The following DTWD2 variants were observed in gnomAD, a reference collection of about 807,000 sequenced individuals.
DTWD2 encodes DTW motif tRNA-uridine aminocarboxypropyltransferase 2.
Under a neutral mutation model 31.8 loss-of-function variants are expected in DTWD2, and 39 were observed. The ratio of observed to expected loss-of-function variants is 1.22; its 90% CI spans 0.95 to 1.60. The LOEUF is 1.60. Ranked by LOEUF, DTWD2 falls within the 40% of genes most tolerant of loss-of-function variation. DTWD2 has a pLI of 0.00. For missense variants in DTWD2, 515 were observed against 381.5 expected (o/e 1.35, Z -2.92); for synonymous variants, 180 against 142.8 (o/e 1.26, Z -1.86).
rs542492948 is a variant in DTWD2, at chr5:118,839,212, A to G, written c.*1705T>C. On this transcript the variant is annotated 3_prime_UTR_variant, in exon 6 of 6. Transcript: ENST00000510708. ...GACTAAAAGAAACTCATGAAGTTTAATATCAATGTGAAAAATTACTACAAA... is the reference window on the plus strand; with the variant it reads ...GACTAAAAGAAACTCATGAAGTTTAGTATCAATGTGAAAAATTACTACAAA... 9 of 152,232 alleles carry G rather than the reference A, an allele frequency of 5.9e-5. No individual in the cohort carries two copies. The highest frequency in any genetic ancestry group is 3.3e-4 in the Admixed American group (5 of 15,294). The allele number at this position is 152,232 out of a possible 1,614,324, so 9.4% of individuals were successfully genotyped here.
At chr5:118,987,246 C>A (rs953422367) in intron 1 of DTWD2, among the ~76,000 whole-genome samples, 2 of 152,182 alleles carry the variant, frequency 1.3e-5, no homozygotes, top group Non-Finnish European at 2.9e-5. Flanking sequence ...ACAGTCCCTT[C>A]TAATCACAAA....
At chr5:118,913,780 A>C (rs1480065581) in intron 4 of DTWD2, among the ~76,000 whole-genome samples, 1 of 152,072 alleles carries the variant, frequency 6.6e-6, no homozygotes, top group African/African-American at 2.4e-5. Context: ...CATGATTATA[A>C]AACCAAATAA....
chr5:118,981,455 T>C (rs994943850), intron 1 of DTWD2, among the ~76,000 whole-genome samples: 4 of 152,164 alleles, frequency 2.6e-5, no homozygotes, highest in African/African-American at 4.8e-5. Context: ...TCTCTACCCT[T>C]TGCAAGGTCA....
chr5:118,843,371 G>GAGGAAGGGAGGAAGGAAGAAAGGA (rs754423234), intron 5 of DTWD2, among the ~76,000 whole-genome samples: 3 of 143,638 alleles, frequency 2.1e-5, no homozygotes, highest in Non-Finnish European at 4.5e-5. Flanking sequence ...GGGAGGAAGG[G>GAGGAAGGGAGGAAGGAAGAAAGGA]AGGAAGGAAG....
At chr5:118,944,501 G>A (rs983526521) in intron 2 of DTWD2, 58 bp downstream of exon 2, 6 of 1,503,938 alleles carry the variant, frequency 4.0e-6, no homozygotes, top group East Asian at 2.3e-5. Flanking sequence ...GTTTATCTTC[G>A]TGTTTCCTCT....
At chr5:118,872,683 CA>C (rs1457674347) in intron 4 of DTWD2, among the ~76,000 whole-genome samples, 1 of 152,098 alleles carries the variant, frequency 6.6e-6, no homozygotes, top group Non-Finnish European at 1.5e-5. Flanking sequence ...ACCACCATAA[CA>C]GAAATAATAC....
At chr5:118,849,727 G>A (rs1419874243) in intron 4 of DTWD2, among the ~76,000 whole-genome samples, 2 of 152,126 alleles carry the variant, frequency 1.3e-5, no homozygotes, top group African/African-American at 2.4e-5. Context: ...TCCTTTGCAG[G>A]GACATGGCTG....
At chr5:118,946,712 A>G (rs1754346899) in intron 1 of DTWD2, among the ~76,000 whole-genome samples, 1 of 152,134 alleles carries the variant, frequency 6.6e-6, no homozygotes, top group African/African-American at 2.4e-5. Context: ...GAAAAGCTGT[A>G]AGTCTACAAA....
intron 3 of DTWD2, among the ~76,000 whole-genome samples, chr5:118,936,537 G>A (rs1282184052): frequency 2.6e-5 from 4 of 151,836 alleles, no homozygotes; most frequent in Non-Finnish European, 5.9e-5. Context: ...AGGCACAGTA[G>A]CTCACATCTG....
At chr5:118,882,001 C>T (rs1367593378) in intron 4 of DTWD2, among the ~76,000 whole-genome samples, 25 of 152,136 alleles carry the variant, frequency 1.6e-4, no homozygotes, top group Admixed American at 1.0e-3. Flanking sequence ...AACTCATTTC[C>T]ACATTAACCC....
rs573173759 is a variant in DTWD2 at position 118,869,701 on chromosome 5, C to A, written c.598-21483G>T. On this transcript the variant is annotated intron_variant, in intron 4 of 5. Transcript: ENST00000510708. ...TCTGTAGGTATGGAAAAAGATACTC[C>A]AATATGTTAACATAGCCTTTGTTAT... Among the ~76,000 whole-genome samples, 5 of 152,222 alleles carry A rather than the reference C, an allele frequency of 3.3e-5. No homozygotes were observed. The South Asian group carries it at 8.3e-4, about 25-fold the overall frequency.
chr5:118,911,891 C>T (rs1181672174), intron 4 of DTWD2, among the ~76,000 whole-genome samples: 1 of 152,224 alleles, frequency 6.6e-6, no homozygotes, highest in African/African-American at 2.4e-5. Context: ...TACTCAGGGG[C>T]ATATGTGTGG....
intron 1 of DTWD2, 123 bp downstream of exon 1, chr5:118,988,171 C>A: frequency 8.0e-7 from 1 of 1,244,290 alleles, no homozygotes; most frequent in Non-Finnish European, 1.1e-6. Context: ...CCAACGTGCA[C>A]CCGCCAACTC....
intron 4 of DTWD2, among the ~76,000 whole-genome samples, chr5:118,893,593 G>A (rs868382412): frequency 6.6e-6 from 1 of 152,060 alleles, no homozygotes; most frequent in Middle Eastern, 3.2e-3. Flanking sequence ...TCAAATTAAA[G>A]ATGTTCAGAT....
intron 3 of DTWD2, among the ~76,000 whole-genome samples, chr5:118,929,936 A>T (rs1174914946): frequency 6.6e-6 from 1 of 152,134 alleles, no homozygotes; most frequent in Non-Finnish European, 1.5e-5. Context: ...TAACAAGACC[A>T]CTTTTGCCAG....
chr5:118,880,473 G>A (rs559599328), intron 4 of DTWD2, among the ~76,000 whole-genome samples: 19 of 152,200 alleles, frequency 1.2e-4, no homozygotes, highest in African/African-American at 3.9e-4. Context: ...CAACAAAACC[G>A]TTATTATATT....
chr5:118,945,673 G>C (rs571493590), intron 1 of DTWD2, among the ~76,000 whole-genome samples: 1 of 151,844 alleles, frequency 6.6e-6, no homozygotes, highest in South Asian at 2.1e-4. Context: ...GTTGAGGTAG[G>C]AGAGTTGCTT....
At chr5:118,948,884 T>C (rs1312461376) in intron 1 of DTWD2, among the ~76,000 whole-genome samples, 2 of 152,114 alleles carry the variant, frequency 1.3e-5, no homozygotes, top group Non-Finnish European at 2.9e-5. Context: ...TTAGTCAGGA[T>C]GGCAAAACCA....
rs181550909 is a variant in DTWD2, at chr5:118,984,675, T to G, written c.218+3619A>C. Among the ~76,000 whole-genome samples the G allele has an allele frequency of 3.9e-5, 6 of 152,298 alleles. No homozygotes were observed. In the East Asian group the frequency reaches 1.2e-3, roughly 29 times the overall value. The stretch of plus-strand genomic sequence containing the variant: ...AGACAAAAACTTCCATCTCAGGGTC[T>G]ATCTGATTCAGTTTGTGTGCATGCT... On this transcript the variant is annotated intron_variant, in intron 1 of 5. Coordinates refer to ENST00000510708, the MANE Select transcript of DTWD2 (RefSeq NM_173666.4).
Sources: allele counts gnomAD v4.1 joint callset (sites outside exome capture counted in the v4.1 genomes callset), GRCh38; gene constraint gnomAD v4.1.1; transcripts MANE v1.5; gene names NCBI Gene and HGNC (gene_info 2026-07-23, HGNC 2026-07-21).